TTC28: variants seen among roughly 807,000 people sequenced by gnomAD.
The protein encoded by TTC28 is tetratricopeptide repeat protein 28.
A neutral mutation model predicts 198.0 loss-of-function variants in TTC28; 61 were observed. The ratio of observed to expected loss-of-function variants is 0.31; its 90% CI spans 0.25 to 0.38. The LOEUF is 0.38. Ranked by LOEUF, TTC28 falls within the 10% of genes least tolerant of loss-of-function variation. The pLI is 1.00. For synonymous variants in TTC28, 1,171 were observed against 1,297.8 expected, an observed-to-expected ratio of 0.90 and a Z score of 2.10; for missense variants, 2,678 against 3,164.0, an observed-to-expected ratio of 0.85 and a Z score of 3.69.
intron 5 of TTC28, among the ~76,000 whole-genome samples, chr22:28,284,408 G>A (rs181745404): frequency 5.3e-5 from 8 of 152,232 alleles, no homozygotes; most frequent in Admixed American, 3.3e-4. Context: ...AAGTGCTAAG[G>A]TGTTTAGAGC....
At chr22:27,987,700 C>T (rs1054015598) in intron 21 of TTC28, among the ~76,000 whole-genome samples, 9 of 152,046 alleles carry the variant, frequency 5.9e-5, no homozygotes, top group African/African-American at 2.2e-4. Flanking sequence ...TAGAGTAAGA[C>T]CCTGTCTCCA....
intron 14 of TTC28, among the ~76,000 whole-genome samples, chr22:28,010,702 G>C (rs957825533): frequency 6.6e-6 from 1 of 152,134 alleles, no homozygotes; most frequent in African/African-American, 2.4e-5. Flanking sequence ...CAGAGGCAGG[G>C]GGCTCACTAG....
chr22:28,576,438 G>GGTTT (rs1368077007), intron 2 of TTC28, among the ~76,000 whole-genome samples: 2 of 151,854 alleles, frequency 1.3e-5, no homozygotes, highest in Admixed American at 6.6e-5. Context: ...GACTCTGTAG[G>GGTTT]GTTTGTTTGT....
At chr22:28,197,272 G>A (rs1156634780) in intron 5 of TTC28, among the ~76,000 whole-genome samples, 1 of 127,058 alleles carries the variant, frequency 7.9e-6, no homozygotes, top group Non-Finnish European at 1.6e-5. Flanking sequence ...GGACTGTTGT[G>A]GGGTGGGGGG....
At chr22:27,997,439 T>G (rs1937571876) in intron 16 of TTC28, 1 of 152,210 alleles carries the variant, frequency 6.6e-6, no homozygotes, top group Admixed American at 6.5e-5. Context: ...CACCAGCACC[T>G]GGGGCTGCCA....
intron 1 of TTC28, chr22:28,643,346 T>C (rs946140530): frequency 6.6e-6 from 1 of 152,174 alleles, no homozygotes; most frequent in South Asian, 2.1e-4. Context: ...TAGGCTGTCA[T>C]AAAGATACAT....
rs1214297550 is a variant in TTC28 at position 28,094,121 on chromosome 22, G to A, written c.3891C>T (p.Ala1297=). Residue 1297 remains alanine, a synonymous_variant, in exon 12 of 23, where the codon GCC becomes GCT. Coordinates refer to ENST00000397906, the MANE Select transcript of TTC28 (RefSeq NM_001145418.2). The stretch of plus-strand genomic sequence containing the variant: ...CCACCCCCAGGGCCTCCCGGACACT[G>A]GCAATGTGCTGCTCCAGGGCTGAGC... ...ATGSALEQHI[A]SVREALGVES... is the part of the protein sequence containing the mutation. 6.4e-7 allele frequency: 1 copy of A among 1,551,282 alleles called. No homozygotes were observed. The highest frequency in any genetic ancestry group is 8.7e-7 in the Non-Finnish European group (1 of 1,146,810).
chr22:28,387,087 T>C (rs895710411), intron 2 of TTC28, among the ~76,000 whole-genome samples: 13 of 152,080 alleles, frequency 8.5e-5, no homozygotes, highest in Non-Finnish European at 1.6e-4. Context: ...AGTGAGAATA[T>C]GCGGTGTTTG....
At chr22:28,386,813 T>C (rs1233969728) in intron 2 of TTC28, among the ~76,000 whole-genome samples, 1 of 150,162 alleles carries the variant, frequency 6.7e-6, no homozygotes, top group Non-Finnish European at 1.5e-5. Context: ...TTTCTTATAG[T>C]TTTTTTTTGT....
chr22:27,987,757 T>C (rs984794510), intron 21 of TTC28, among the ~76,000 whole-genome samples: 2 of 152,072 alleles, frequency 1.3e-5, no homozygotes, highest in African/African-American at 4.8e-5. Context: ...GACTCACTCG[T>C]GGCAGTGCCC....
intron 2 of TTC28, among the ~76,000 whole-genome samples, chr22:28,423,630 G>A (rs1209823341): frequency 6.6e-6 from 1 of 152,150 alleles, no homozygotes; most frequent in Non-Finnish European, 1.5e-5. Context: ...CATTACAGTA[G>A]TTACATTAAC....
intron 2 of TTC28, among the ~76,000 whole-genome samples, chr22:28,375,905 T>C (rs134523): frequency 0.99 from 151,435 of 152,346 alleles, 75,268 homozygotes; most frequent in East Asian, 1. Context: ...AGCCTTGGAA[T>C]TCCAGGACTT....
chr22:28,588,171 A>G (rs2050354800), intron 2 of TTC28, among the ~76,000 whole-genome samples: 1 of 151,944 alleles, frequency 6.6e-6, no homozygotes, highest in South Asian at 2.1e-4. Flanking sequence ...CAAACAAACA[A>G]AAAACAAAAC....
intron 2 of TTC28, among the ~76,000 whole-genome samples, chr22:28,462,457 G>C (rs984869749): frequency 2.0e-5 from 3 of 152,206 alleles, no homozygotes; most frequent in Non-Finnish European, 2.9e-5. Context: ...TAAGTAATGT[G>C]AGTGAGAACT....
At chr22:28,512,517 A>T (rs1238140596) in intron 2 of TTC28, among the ~76,000 whole-genome samples, 1 of 152,188 alleles carries the variant, frequency 6.6e-6, no homozygotes, top group African/African-American at 2.4e-5. Context: ...AAAGACAAGG[A>T]ATCAACCTAT....
intron 22 of TTC28, among the ~76,000 whole-genome samples, chr22:27,984,151 G>A (rs908491750): frequency 3.3e-5 from 5 of 151,958 alleles, no homozygotes; most frequent in African/African-American, 7.3e-5. Flanking sequence ...CCCTGTATCC[G>A]CCTTCCTCTG....
intron 2 of TTC28, among the ~76,000 whole-genome samples, chr22:28,413,204 G>A (rs1291394394): frequency 6.6e-6 from 1 of 152,140 alleles, no homozygotes; most frequent in African/African-American, 2.4e-5. Context: ...GGGAGGCCAA[G>A]GCGGGCGGAT....
intron 2 of TTC28, among the ~76,000 whole-genome samples, chr22:28,417,759 CA>C (rs1569314252): frequency 1.3e-5 from 2 of 152,138 alleles, no homozygotes; most frequent in Non-Finnish European, 2.9e-5. Flanking sequence ...ACATATCAGG[CA>C]AAGCTTTGGA....
chr22:28,562,814 T>G (rs2049908521), intron 2 of TTC28, among the ~76,000 whole-genome samples: 1 of 152,178 alleles, frequency 6.6e-6, no homozygotes, highest in African/African-American at 2.4e-5. Flanking sequence ...AGGAAGGGTT[T>G]TGAAGTGTTT....
Sources: allele counts gnomAD v4.1 joint callset (sites outside exome capture counted in the v4.1 genomes callset), GRCh38; gene constraint gnomAD v4.1.1; transcripts MANE v1.5; gene names NCBI Gene and HGNC (gene_info 2026-07-23, HGNC 2026-07-21).